The following HTATIP2 variants were observed in gnomAD, a reference collection of about 807,000 sequenced individuals.
HTATIP2 encodes the protein HIV-1 Tat interactive protein 2, also known as protein HTATIP2.
A neutral mutation model predicts 24.7 loss-of-function variants in HTATIP2; 26 were observed. The observed-to-expected ratio is 1.05, with a 90% CI of 0.77 to 1.46. HTATIP2 has a LOEUF of 1.46. Among genes scored for constraint, HTATIP2 ranks in the 40% most tolerant of loss-of-function variants. HTATIP2 has a pLI of 0.00. For missense variants in HTATIP2, 284 were observed against 289.6 expected (o/e 0.98, Z 0.14); for synonymous variants, 99 against 113.2 (o/e 0.87, Z 0.79).
rs1565180398 is a variant in HTATIP2, at chr11:20,364,335, TG to T, written c.99del (p.Leu34SerfsTer2). The T allele has an allele frequency of 1.2e-6, 2 of 1,613,520 alleles. No homozygotes were observed. Among genetic ancestry groups the T allele is most frequent in the South Asian group, 2.2e-5 (2 of 91,014 alleles). Reference protein sequence around the residue: ...ILGASGETGRVLLKEILEQGL... With the variant: ...ILGASGETGRXLLKEILEQGL... ...GGCGCCAGCGGAGAAACCGGCAGAG[TG>T]CTCTTAAAGGAAATCCTGGAGCAGG... On this transcript the variant is annotated frameshift_variant, in exon 1 of 5. Transcript: ENST00000451739. LOFTEE classifies it high-confidence loss of function.
chr11:20,364,411 C>T lies in HTATIP2; in HGVS notation c.174C>T (p.Asp58=). 2 of 1,607,700 alleles carry T rather than the reference C, an allele frequency of 1.2e-6. No individual in the cohort carries two copies. The highest frequency in any genetic ancestry group is 1.7e-6 in the Non-Finnish European group (2 of 1,176,006). The change falls in exon 1 of 5, where the codon GAC becomes GAT. Residue 58 remains aspartate (D), a synonymous_variant. Coordinates refer to ENST00000451739, the MANE Select transcript of HTATIP2 (RefSeq NM_001098522.2). The part of the protein sequence containing the change: ...TLIGRRKLTF[D]EEAYKNVNQE... ...TTGGCCGGAGGAAGCTCACCTTCGACGAGGAAGCTTATAAAAATGTGGTGG... is the reference window on the plus strand; with the variant it reads ...TTGGCCGGAGGAAGCTCACCTTCGATGAGGAAGCTTATAAAAATGTGGTGG...
intron 2 of HTATIP2, among the ~76,000 whole-genome samples, chr11:20,372,323 T>C (rs2064780544): frequency 6.6e-6 from 1 of 152,188 alleles, no homozygotes; most frequent in African/African-American, 2.4e-5. Flanking sequence ...TTAGGATGAG[T>C]TGTTCTGAAG....
chr11:20,364,688 C>T (rs762762926), intron 1 of HTATIP2, among the ~76,000 whole-genome samples: 40 of 152,092 alleles, frequency 2.6e-4, no homozygotes, highest in Non-Finnish European at 5.4e-4. Context: ...AAAGCTGGGT[C>T]TGGGTTGTAA....
intron 3 of HTATIP2, among the ~76,000 whole-genome samples, chr11:20,377,208 A>G (rs1848460504): frequency 6.7e-6 from 1 of 148,296 alleles, no homozygotes; most frequent in South Asian, 2.1e-4. Flanking sequence ...CTGCCCCGCC[A>G]AGTAACTGGG....
At chr11:20,371,033 A>C (rs1170918055) in intron 2 of HTATIP2, among the ~76,000 whole-genome samples, 1 of 152,232 alleles carries the variant, frequency 6.6e-6, no homozygotes, top group Non-Finnish European at 1.5e-5. Flanking sequence ...GTCTTTATAC[A>C]TAAAGTGGTA....
intron 2 of HTATIP2, among the ~76,000 whole-genome samples, chr11:20,375,457 G>C (rs554376816): frequency 6.6e-6 from 1 of 152,216 alleles, no homozygotes; most frequent in African/African-American, 2.4e-5. Context: ...TATAATCCCA[G>C]CTACTTGGGA....
intron 3 of HTATIP2, among the ~76,000 whole-genome samples, chr11:20,379,740 A>T (rs1054864871): frequency 6.6e-6 from 1 of 152,108 alleles, no homozygotes; most frequent in Non-Finnish European, 1.5e-5. Flanking sequence ...ATTCAGGGTG[A>T]AGGTATACTT....
intron 4 of HTATIP2, 90 bp downstream of exon 4, chr11:20,382,329 A>C: frequency 2.7e-6 from 2 of 745,438 alleles, no homozygotes; most frequent in Non-Finnish European, 4.6e-6. Context: ...TGACAGCTGA[A>C]ATATCTAAGA....
At chr11:20,365,970 CAAAAAAAA>C (rs1161230646) in intron 1 of HTATIP2, among the ~76,000 whole-genome samples, 3 of 96,780 alleles carry the variant, frequency 3.1e-5, no homozygotes, top group Admixed American at 1.1e-4. Context: ...GACTCTGTCT[CAAAAAAAA>C]AAAAAAAAAA....
intron 3 of HTATIP2, among the ~76,000 whole-genome samples, chr11:20,381,914 T>C (rs901412569): frequency 1.3e-4 from 20 of 152,226 alleles, no homozygotes; most frequent in Non-Finnish European, 2.9e-4. Flanking sequence ...TGAATCTGTT[T>C]TAATATCAAT....
intron 4 of HTATIP2, 35 bp downstream of exon 4, chr11:20,382,274 C>A: frequency 8.2e-7 from 1 of 1,226,350 alleles, no homozygotes; most frequent in Non-Finnish European, 1.2e-6. Context: ...GAGAGTATGC[C>A]ACTGATGGTT....
chr11:20,368,126 A>C (rs1158824212), intron 2 of HTATIP2, among the ~76,000 whole-genome samples: 1 of 151,376 alleles, frequency 6.6e-6, no homozygotes, highest in Non-Finnish European at 1.5e-5. Context: ...TGAAAAAAGT[A>C]AATAAATAAA....
In HTATIP2 at chr11:20,366,884, T is replaced by A. The variant is rs79531521; in HGVS notation, c.196-290T>A. Among the ~76,000 whole-genome samples the A allele has an allele frequency of 9.8e-3, 1,485 of 152,272 alleles. 25 individuals are homozygous for A. The highest frequency in any genetic ancestry group is 0.034 in the African/African-American group (1,413 of 41,550). Reference sequence around the variant, plus strand: ...ATACCTCAGTGGTCTCCTTCCTGGTTAGCTACACACAGGTCTTTTATTTTT... The same window carrying A: ...ATACCTCAGTGGTCTCCTTCCTGGTAAGCTACACACAGGTCTTTTATTTTT... On this transcript the variant is annotated intron_variant, in intron 1 of 4. Coordinates refer to ENST00000451739, the MANE Select transcript of HTATIP2 (RefSeq NM_001098522.2).
intron 2 of HTATIP2, among the ~76,000 whole-genome samples, chr11:20,373,953 A>G (rs1162281997): frequency 6.6e-6 from 1 of 152,242 alleles, no homozygotes; most frequent in Non-Finnish European, 1.5e-5. Flanking sequence ...GTTGTTCAGG[A>G]CTGAGTGTCA....
chr11:20,369,291 T>C (rs1171271058), intron 2 of HTATIP2, among the ~76,000 whole-genome samples: 2 of 152,214 alleles, frequency 1.3e-5, no homozygotes. Flanking sequence ...ACTACAAAGC[T>C]AGTGGCAAAA....
At chr11:20,381,275 A>G (rs1294267438) in intron 3 of HTATIP2, among the ~76,000 whole-genome samples, 2 of 152,098 alleles carry the variant, frequency 1.3e-5, no homozygotes, top group East Asian at 3.9e-4. Flanking sequence ...CCCCGTCACT[A>G]CTAAAAATAC....
At chr11:20,371,319 G>A (rs2064770014) in intron 2 of HTATIP2, among the ~76,000 whole-genome samples, 1 of 152,210 alleles carries the variant, frequency 6.6e-6, no homozygotes, top group African/African-American at 2.4e-5. Flanking sequence ...GGAGCCTGGA[G>A]TTTGCTGGTT....
intron 1 of HTATIP2, 121 bp from the exon 2 acceptor site, chr11:20,367,053 T>C (rs1272873952): frequency 8.5e-7 from 1 of 1,174,380 alleles, no homozygotes; most frequent in East Asian, 2.4e-5. Flanking sequence ...ATTTGTAAAA[T>C]TTGATGTTAA....
chr11:20,378,384 A>T (rs1402660059), intron 3 of HTATIP2, among the ~76,000 whole-genome samples: 1 of 151,400 alleles, frequency 6.6e-6, no homozygotes, highest in East Asian at 1.9e-4. Flanking sequence ...GCTCACTACA[A>T]CCTCAGATTC....
Sources: allele counts gnomAD v4.1 joint callset (sites outside exome capture counted in the v4.1 genomes callset), GRCh38; gene constraint gnomAD v4.1.1; transcripts MANE v1.5; gene names NCBI Gene and HGNC (gene_info 2026-07-23, HGNC 2026-07-21).